C18orf54: variants seen among roughly 807,000 people sequenced by gnomAD.
The protein encoded by C18orf54 is chromosome 18 open reading frame 54, also known as lung adenoma susceptibility protein 2.
Under a neutral mutation model 49.3 loss-of-function variants are expected in C18orf54, and 49 were observed. The ratio of observed to expected loss-of-function variants is 0.99; its 90% confidence interval spans 0.79 to 1.26. The LOEUF (loss-of-function observed/expected upper bound fraction) is 1.26. Ranked by LOEUF, C18orf54 falls within the 50% of genes most tolerant of loss-of-function variation. C18orf54 has a pLI of 0.00. For missense variants in C18orf54, 687 were observed against 620.6 expected (o/e 1.11, Z -1.14); for synonymous variants, 211 against 216.6 (o/e 0.97, Z 0.23).
In C18orf54 at chr18:54,361,824, C is replaced by T. The variant is rs1330972681; in HGVS notation, c.465C>T (p.Cys155=). The stretch of plus-strand genomic sequence containing the variant: ...GAACGAGCAAGAAAAACAAGAAATG[C>T]CGTGGAAGACTGGGTTCATTGGACA... ...SHRTSKKNKK[C]RGRLGSLDIE... The change falls in exon 4 of 9, where the codon TGC becomes TGT. Residue 155 remains cysteine, a synonymous_variant. Transcript: ENST00000620105. The T allele has an allele frequency of 1.2e-6, 2 of 1,613,948 alleles. No individual in the cohort carries two copies. Among genetic ancestry groups the T allele is most frequent in the South Asian group, 1.1e-5 (1 of 91,068 alleles).
chr18:54,374,299 C>A lies in C18orf54; in HGVS notation c.1529+15C>A. The A allele has an allele frequency of 6.4e-7, 1 of 1,555,678 alleles. No homozygotes were observed. The highest frequency in any genetic ancestry group is 8.7e-7 in the Non-Finnish European group (1 of 1,153,660). On this transcript the variant is annotated intron_variant, in intron 8 of 8. Transcript: ENST00000620105. ...TCACTTCAGAAGTAAGTATTCTTTA[C>A]TAATATGGATACAAATCCATCTTAG...
intron 6 of C18orf54, among the ~76,000 whole-genome samples, chr18:54,370,116 AAAT>A (rs1230772565): frequency 1.3e-5 from 2 of 152,054 alleles, no homozygotes; most frequent in African/African-American, 2.4e-5. Context: ...CTCTACTAAA[AAAT>A]ATAAAAAATG....
intron 6 of C18orf54, among the ~76,000 whole-genome samples, chr18:54,370,276 C>CAAA (rs35888839): frequency 2.3e-5 from 2 of 87,324 alleles, no homozygotes; most frequent in Admixed American, 1.2e-4. Flanking sequence ...GACTCTGTCT[C>CAAA]AAAAAAAAAA....
In C18orf54 at chr18:54,365,723, T is replaced by C. The variant is rs1555684125; in HGVS notation, c.1228T>C (p.Ser410Pro). The C allele has an allele frequency of 2.5e-6, 4 of 1,578,122 alleles. No homozygotes were observed. Among genetic ancestry groups the C allele is most frequent in the Non-Finnish European group, 2.6e-6 (3 of 1,155,402 alleles). ...CATCCTTTAAATCCTGTTTAGCAAATCTCCTGTTCCCGTTAACTCTGATGA... is the reference window on the plus strand; with the variant it reads ...CATCCTTTAAATCCTGTTTAGCAAACCTCCTGTTCCCGTTAACTCTGATGA... ...SWENIPVTFK[S>P]PVPVNSDDSP... The change falls in exon 6 of 9, where the codon TCT (serine) becomes CCT (proline). Residue 410 changes from serine (S) to proline (P), a missense_variant. Coordinates refer to ENST00000620105, the MANE Select transcript of C18orf54 (RefSeq NM_001288980.2).
Position 54,378,552 on chromosome 18 carries a change from C to T in C18orf54, c.*306C>T. ...GGATGACTTCTGTTCTTGAAGCTTACCTGGATTTAACCTTCTTCAGCATCC... is the reference window on the plus strand; with the variant it reads ...GGATGACTTCTGTTCTTGAAGCTTATCTGGATTTAACCTTCTTCAGCATCC... On this transcript the variant is annotated 3_prime_UTR_variant, in exon 9 of 9. Coordinates refer to ENST00000620105, the MANE Select transcript of C18orf54 (RefSeq NM_001288980.2). 1 of 189,726 alleles carries T rather than the reference C, an allele frequency of 5.3e-6. No homozygotes were observed. The highest frequency in any genetic ancestry group is 1.1e-5 in the Non-Finnish European group (1 of 92,808). 11.8% of individuals were successfully genotyped at this position (189,726 alleles called of 1,614,324 possible). A position where few individuals can be genotyped will look rare whatever the true frequency, so the allele number is the denominator to read the frequency against.
At chr18:54,369,141 C>G (rs147665523) in intron 6 of C18orf54, among the ~76,000 whole-genome samples, 345 of 152,200 alleles carry the variant, frequency 2.3e-3, no homozygotes, top group Non-Finnish European at 3.1e-3. Context: ...AACAAGTTTG[C>G]CAACCCACAT....
chr18:54,378,492 G>A lies in C18orf54; in HGVS notation c.*246G>A, dbSNP rs963585927. ...CAATATATCCTGAAGTCTTACTTTC[G>A]CCTTCTGGCCAGCAAATGTCTAATA... On this transcript the variant is annotated 3_prime_UTR_variant, in exon 9 of 9. Transcript: ENST00000620105. 2.9e-5 allele frequency: 8 copies of A among 272,742 alleles called. No individual in the cohort carries two copies. The highest frequency in any genetic ancestry group is 6.3e-5 in the East Asian group (1 of 15,800). 16.9% of individuals were successfully genotyped at this position (272,742 alleles called of 1,614,324 possible).
Position 54,360,636 on chromosome 18 carries a change from G to C in C18orf54, c.64G>C (p.Ala22Pro). 2 of 1,614,036 alleles carry C rather than the reference G, an allele frequency of 1.2e-6. No individual in the cohort carries two copies. Among genetic ancestry groups the C allele is most frequent in the Non-Finnish European group, 1.7e-6 (2 of 1,179,922 alleles). ...SQESSVSALL[A>P]SCTLSGSNSS... is the part of the protein sequence containing the mutation. ...GGAATCTTCAGTATCTGCCCTGCTG[G>C]CAAGCTGCACCCTGAGTGGTAGTAA... Residue 22 changes from alanine to proline, a missense_variant, in exon 3 of 9, where the codon GCA (alanine) becomes CCA (proline). By Grantham distance (27) the Ala-to-Pro change is conservative. Coordinates refer to ENST00000620105, the MANE Select transcript of C18orf54 (RefSeq NM_001288980.2).
Position 54,379,847 on chromosome 18 carries a change from T to C in C18orf54, c.*1601T>C, listed in dbSNP as rs2144764478. On this transcript the variant is annotated 3_prime_UTR_variant, in exon 9 of 9. Coordinates refer to ENST00000620105, the MANE Select transcript of C18orf54 (RefSeq NM_001288980.2). Reference sequence around the variant, plus strand: ...TGGTAACTTCTAATTGAATATTATATGTTGATCATACATAATATATACTAT... The same window carrying C: ...TGGTAACTTCTAATTGAATATTATACGTTGATCATACATAATATATACTAT... 6.6e-6 allele frequency: 1 copy of C among 152,118 alleles called. No individual in the cohort carries two copies. The highest frequency in any genetic ancestry group is 2.4e-5 in the African/African-American group (1 of 41,544). The allele number at this position is 152,118 out of a possible 1,614,324, so 9.4% of individuals were successfully genotyped here. A position where few individuals can be genotyped will look rare whatever the true frequency, so the allele number is the denominator to read the frequency against.
At chr18:54,370,306 A>G (rs971594595) in intron 6 of C18orf54, among the ~76,000 whole-genome samples, 1 of 152,052 alleles carries the variant, frequency 6.6e-6, no homozygotes, top group African/African-American at 2.4e-5. Flanking sequence ...TTAAAACACA[A>G]TGTGCAAGTA....
intron 8 of C18orf54, among the ~76,000 whole-genome samples, chr18:54,376,435 G>C (rs4594318): frequency 0.19 from 28,379 of 152,028 alleles, 2,818 homozygotes; most frequent in Middle Eastern, 0.26. Context: ...CTGACCTCAG[G>C]TGATCCACCT....
At position 54,361,648 on chromosome 18, in the gene C18orf54, G is replaced by C. The variant is rs1415307006; in HGVS notation, c.289G>C (p.Glu97Gln). The C allele has an allele frequency of 2.5e-6, 4 of 1,577,328 alleles. No individual in the cohort carries two copies. Among genetic ancestry groups the C allele is most frequent in the Non-Finnish European group, 3.4e-6 (4 of 1,165,342 alleles). ...NYIYKPNNAF[E>Q]NLDHKKHSNF... ...AACTGTTCTTCGTTTTTCAGCTTTT[G>C]AAAACCTTGATCACAAAAAGCACTC... Residue 97 changes from glutamate to glutamine, a missense_variant, in exon 4 of 9, where the codon GAA becomes CAA. Coordinates refer to ENST00000620105, the MANE Select transcript of C18orf54 (RefSeq NM_001288980.2).
rs889907945 is a variant in C18orf54, at chr18:54,376,778, T to C, written c.1530-1396T>C. On this transcript the variant is annotated intron_variant, in intron 8 of 8. Coordinates refer to ENST00000620105, the MANE Select transcript of C18orf54 (RefSeq NM_001288980.2). ...GAGAATTGAGAGTCTTCTTATTACA[T>C]TTGAGTAAAAGTATCCAAGAAGTGT... Among the ~76,000 whole-genome samples the C allele has an allele frequency of 2.6e-5, 4 of 152,324 alleles. No homozygotes were observed. In the East Asian group the frequency reaches 7.7e-4, roughly 29 times the overall value.
At chr18:54,375,075 CTTAAT>C (rs2089547948) in intron 8 of C18orf54, among the ~76,000 whole-genome samples, 1 of 151,896 alleles carries the variant, frequency 6.6e-6, no homozygotes, top group South Asian at 2.1e-4. Context: ...TTTCTCTCTA[CTTAAT>C]TTATTATCTT....
intron 2 of C18orf54, among the ~76,000 whole-genome samples, chr18:54,359,136 T>G (rs1283138232): frequency 6.6e-6 from 1 of 152,244 alleles, no homozygotes; most frequent in Non-Finnish European, 1.5e-5. Flanking sequence ...AAATAACTAG[T>G]AAATGTTATC....
rs1433545339 is a variant in C18orf54, at chr18:54,378,448, T to C, written c.*202T>C. The stretch of plus-strand genomic sequence containing the variant: ...TTTATTTTGTGCCAACATACTAGAA[T>C]GTGAACTGCAAGGACCCACAATATA... On this transcript the variant is annotated 3_prime_UTR_variant, in exon 9 of 9. Coordinates refer to ENST00000620105, the MANE Select transcript of C18orf54 (RefSeq NM_001288980.2). 2 of 431,820 alleles carry C rather than the reference T, an allele frequency of 4.6e-6. No homozygotes were observed. The highest frequency in any genetic ancestry group is 3.8e-5 in the East Asian group (1 of 26,624). 26.7% of individuals were successfully genotyped at this position (431,820 alleles called of 1,614,324 possible). A position where few individuals can be genotyped will look rare whatever the true frequency, so the allele number is the denominator to read the frequency against.
Position 54,360,774 on chromosome 18 carries a change from G to A in C18orf54, c.202G>A (p.Ala68Thr), listed in dbSNP as rs753763331. 3.1e-6 allele frequency: 5 copies of A among 1,613,532 alleles called. No homozygotes were observed. In the East Asian group the frequency reaches 8.9e-5, roughly 29 times the overall value. Residue 68 changes from alanine (A) to threonine (T), a missense_variant, in exon 3 of 9, where the codon GCA (alanine) becomes ACA (threonine). Physicochemically the swap from Ala to Thr is moderately conservative, Grantham distance 58. Transcript: ENST00000620105. The part of the protein sequence containing the change: ...DFDLGQIYPG[A>T]STGKINIDED... ...TGATCTAGGCCAAATATATCCTGGT[G>A]CAAGCACTGGAAAAATTAACATTGA...
chr18:54,362,247 A>G lies in C18orf54; in HGVS notation c.888A>G (p.Ala296=), dbSNP rs1426120044. Residue 296 remains alanine, a synonymous_variant, in exon 4 of 9, where the codon GCA becomes GCG. Coordinates refer to ENST00000620105, the MANE Select transcript of C18orf54 (RefSeq NM_001288980.2). The part of the protein sequence containing the change: ...DQCSPRHSHQ[A]QGTSRLINKL... ...GTTCCCCTAGACATAGTCATCAGGC[A>G]CAAGGAACTTCTCGGCTTATCAATA... 1 of 1,536,380 alleles carries G rather than the reference A, an allele frequency of 6.5e-7. No individual in the cohort carries two copies. The highest frequency in any genetic ancestry group is 8.7e-7 in the Non-Finnish European group (1 of 1,146,958).
rs1180242762 is a variant in C18orf54 at position 54,379,694 on chromosome 18, C to T, written c.*1448C>T. The stretch of plus-strand genomic sequence containing the variant: ...GGAGTTACTTTGAAATTAAAGTATG[C>T]CTGGCTATTAAAAATGCAGATTTTA... On this transcript the variant is annotated 3_prime_UTR_variant, in exon 9 of 9. Transcript: ENST00000620105. 1 of 151,540 alleles carries T rather than the reference C, an allele frequency of 6.6e-6. No homozygotes were observed. The highest frequency in any genetic ancestry group is 1.5e-5 in the Non-Finnish European group (1 of 67,830). 9.4% of individuals were successfully genotyped at this position (151,540 alleles called of 1,614,324 possible). A position where few individuals can be genotyped will look rare whatever the true frequency, so the allele number is the denominator to read the frequency against.
Sources: gnomAD v4.1 joint callset for allele counts (sites outside exome capture counted in the v4.1 genomes callset) on GRCh38, gnomAD v4.1.1 for gene constraint, MANE v1.5 for transcripts, NCBI Gene and HGNC (gene_info 2026-07-23, HGNC 2026-07-21) for gene names.